FAM50B: variants seen among roughly 807,000 people sequenced by gnomAD.
The protein encoded by FAM50B is family with sequence similarity 50 member B.
A neutral mutation model predicts 25.4 loss-of-function variants in FAM50B; 9 were observed. That is an observed-to-expected ratio of 0.35 (90% CI 0.21 to 0.62). The LOEUF (loss-of-function observed/expected upper bound fraction) is 0.62. Ranked by LOEUF, FAM50B falls within the 20% of genes least tolerant of loss-of-function variation. The pLI is 0.73. For synonymous variants in FAM50B, 212 were observed against 204.3 expected, an observed-to-expected ratio of 1.04 and a Z score of -0.32; for missense variants, 372 against 477.9, an observed-to-expected ratio of 0.78 and a Z score of 2.07.
At chr6:3,835,670 T>A in the FAM50B span, among the ~76,000 whole-genome samples, 4 of 152,238 alleles carry the variant, frequency 2.6e-5, no homozygotes, top group Non-Finnish European at 5.9e-5. Flanking sequence ...GAGAAAGTTC[T>A]CTTGGTTGAA....
chr6:3,849,141 G>C (rs994054612), upstream of FAM50B, among the ~76,000 whole-genome samples: 1 of 152,160 alleles, frequency 6.6e-6, no homozygotes, highest in Non-Finnish European at 1.5e-5. Context: ...GTGAAAACAG[G>C]AGCCCCGGCC....
the FAM50B span, among the ~76,000 whole-genome samples, chr6:3,841,965 A>C: frequency 2.0e-5 from 3 of 152,220 alleles, no homozygotes; most frequent in Non-Finnish European, 4.4e-5. Context: ...AGCAGTGTGC[A>C]CTGTGGCCAT....
rs368213339 is a variant in FAM50B at position 3,851,116 on chromosome 6, C to T, written c.*327C>T. On this transcript the variant is annotated 3_prime_UTR_variant, in exon 2 of 2. Transcript: ENST00000648326. ...GTGGTTATGAGCATGGACTTGGGGG[C>T]CACAGTGACTGAGTTTGATTCCCGA... is the stretch of plus-strand genomic sequence containing the variant. 1.9e-5 allele frequency: 6 copies of T among 312,044 alleles called. No homozygotes were observed. Among genetic ancestry groups the T allele is most frequent in the African/African-American group, 1.3e-4 (6 of 45,998 alleles). 19.3% of individuals were successfully genotyped at this position (312,044 alleles called of 1,614,324 possible). A position where few individuals can be genotyped will look rare whatever the true frequency, so the allele number is the denominator to read the frequency against.
Position 3,850,241 on chromosome 6 carries a change from A to G in FAM50B, c.430A>G (p.Lys144Glu). The G allele has an allele frequency of 1.2e-6, 2 of 1,613,248 alleles. No homozygotes were observed. Among genetic ancestry groups the G allele is most frequent in the South Asian group, 1.1e-5 (1 of 91,062 alleles). The change falls in exon 2 of 2, where the codon AAG (lysine) becomes GAG (glutamate). Residue 144 changes from lysine (K) to glutamate (E), a missense_variant. By Grantham distance (56) the Lys-to-Glu change is moderately conservative (BLOSUM62 1). Around this residue, in one of 4 missense-constraint regions of FAM50B, gnomAD observed 224 missense variants for 232.2 expected, o/e 0.96. Coordinates refer to ENST00000648326, the MANE Select transcript of FAM50B (RefSeq NM_012135.3). The stretch of plus-strand genomic sequence containing the variant: ...GGCCAGGCGCGCCGGAAACCTGGGC[A>G]AGAACCCCGACGTGGACACCAGCTT... Reference protein sequence around the residue: ...AEARRAGNLGKNPDVDTSFLP... With the variant: ...AEARRAGNLGENPDVDTSFLP...
rs1762198462 is a variant in FAM50B at position 3,850,406 on chromosome 6, C to T, written c.595C>T (p.Arg199Cys). ...FSYWDGSGHRRTVRVRKGNTV... is the reference protein window; with the variant it reads ...FSYWDGSGHRCTVRVRKGNTV... ...CTACTGGGACGGCTCGGGCCACCGG[C>T]GCACGGTGCGGGTGCGCAAGGGCAA... Residue 199 changes from arginine to cysteine, a missense_variant, in exon 2 of 2, where the codon CGC (arginine) becomes TGC (cysteine). Physicochemically the swap from Arg to Cys is radical, Grantham distance 180 (BLOSUM62 -3). Coordinates refer to ENST00000648326, the MANE Select transcript of FAM50B (RefSeq NM_012135.3). 1.9e-6 allele frequency: 3 copies of T among 1,613,346 alleles called. No homozygotes were observed. Among genetic ancestry groups the T allele is most frequent in the Admixed American group, 1.7e-5 (1 of 60,018 alleles).
upstream of FAM50B, among the ~76,000 whole-genome samples, chr6:3,847,385 T>C (rs528650768): frequency 3.0e-4 from 46 of 152,394 alleles, no homozygotes; most frequent in Non-Finnish European, 5.1e-4. Flanking sequence ...CACTTGCTGC[T>C]TCACCTTGCA....
At chr6:3,846,515 G>T (rs987666287), upstream of FAM50B, among the ~76,000 whole-genome samples, 1 of 152,216 alleles carries the variant, frequency 6.6e-6, no homozygotes, top group Non-Finnish European at 1.5e-5. Context: ...ACTGATCAGG[G>T]TGGTGGTTGC....
chr6:3,848,657 G>A (rs1762152581), upstream of FAM50B, among the ~76,000 whole-genome samples: 1 of 152,174 alleles, frequency 6.6e-6, no homozygotes, highest in South Asian at 2.1e-4. Flanking sequence ...CTCCTGCAGG[G>A]GAGAAACGGT....
the FAM50B span, chr6:3,833,772 C>G: frequency 6.6e-6 from 1 of 152,206 alleles, no homozygotes; most frequent in South Asian, 2.1e-4. Flanking sequence ...GCCAGCCTAA[C>G]GATGAAGCAG....
At chr6:3,842,269 G>T in the FAM50B span, among the ~76,000 whole-genome samples, 1 of 152,184 alleles carries the variant, frequency 6.6e-6, no homozygotes, top group Non-Finnish European at 1.5e-5. Context: ...TTGCCTCCAT[G>T]GGCTGCAGCT....
the FAM50B span, among the ~76,000 whole-genome samples, chr6:3,840,600 C>G: frequency 6.6e-6 from 1 of 152,228 alleles, no homozygotes; most frequent in African/African-American, 2.4e-5. Flanking sequence ...GAGCACCACT[C>G]AAAGGCCGGA....
rs780894143 is a variant in FAM50B at position 3,850,357 on chromosome 6, C to T, written c.546C>T (p.Asp182=). 53 of 1,613,236 alleles carry T rather than the reference C, an allele frequency of 3.3e-5. No homozygotes were observed. The highest frequency in any genetic ancestry group is 4.3e-5 in the Non-Finnish European group (51 of 1,179,900). Residue 182 remains aspartate (D), a synonymous_variant, in exon 2 of 2, where the codon GAC becomes GAT. Transcript: ENST00000648326. ...AGGCGCAGCGCGAGAAAGTGAAGGA[C>T]GAGGAGATGGAGGTCACCTTCAGCT... ...EWEAQREKVK[D]EEMEVTFSYW... is the part of the protein sequence containing the mutation.
upstream of FAM50B, among the ~76,000 whole-genome samples, chr6:3,848,778 ATTAGAGC>A (rs1041922072): frequency 3.9e-5 from 6 of 152,220 alleles, no homozygotes; most frequent in Non-Finnish European, 7.3e-5. Flanking sequence ...TCCCATGGTT[ATTAGAGC>A]TTAGAACCCG....
the FAM50B span, among the ~76,000 whole-genome samples, chr6:3,841,442 G>A: frequency 6.6e-6 from 1 of 152,294 alleles, no homozygotes; most frequent in African/African-American, 2.4e-5. Flanking sequence ...CACAGTCACA[G>A]GGGAGACCAT....
upstream of FAM50B, among the ~76,000 whole-genome samples, chr6:3,844,709 G>A (rs777682868): frequency 1.3e-5 from 2 of 151,940 alleles, no homozygotes; most frequent in Admixed American, 6.6e-5. Flanking sequence ...GCCAGACTCC[G>A]TCTCAAAAAC....
rs751666178 is a variant in FAM50B at position 3,850,183 on chromosome 6, AGAC to A, written c.376_378del (p.Asp126del). ...AGATCTCCTGCCTGTCCTTTGCACT[AGAC>A]GACCTCGATGACCAGGCCGACGCGG... On this transcript the variant is annotated inframe_deletion, in exon 2 of 2. Transcript: ENST00000648326. 1 of 1,613,412 alleles carries A rather than the reference AGAC, an allele frequency of 6.2e-7. No homozygotes were observed. Among genetic ancestry groups the A allele is most frequent in the Non-Finnish European group, 8.5e-7 (1 of 1,179,864 alleles).
At chr6:3,841,350 G>A in the FAM50B span, among the ~76,000 whole-genome samples, 1 of 152,156 alleles carries the variant, frequency 6.6e-6, no homozygotes, top group Admixed American at 6.5e-5. Flanking sequence ...AAGTGGTCTG[G>A]TTTTCCATGA....
Position 3,850,872 on chromosome 6 carries a change from C to A in FAM50B, c.*83C>A. The stretch of plus-strand genomic sequence containing the variant: ...ATCACCAGTCACTTGATTTCGTGAC[C>A]TTGATTTCTTCCCCCAAATTTAATA... On this transcript the variant is annotated 3_prime_UTR_variant, in exon 2 of 2. Transcript: ENST00000648326. The A allele has an allele frequency of 6.5e-7, 1 of 1,530,338 alleles. No individual in the cohort carries two copies. The highest frequency in any genetic ancestry group is 8.8e-7 in the Non-Finnish European group (1 of 1,138,118). The allele number at this position is 1,530,338 out of a possible 1,614,324, so 94.8% of individuals were successfully genotyped here.
chr6:3,839,632 A>G, the FAM50B span, among the ~76,000 whole-genome samples: 9 of 152,210 alleles, frequency 5.9e-5, no homozygotes, highest in Admixed American at 5.9e-4. Flanking sequence ...TATTTTTGCT[A>G]TATTTCAATT....
Sources: gnomAD v4.1 joint callset for allele counts (sites outside exome capture counted in the v4.1 genomes callset) on GRCh38, gnomAD v4.1.1 for gene constraint, gnomAD v4.1.1 regional missense constraint, MANE v1.5 for transcripts, NCBI Gene and HGNC (gene_info 2026-07-23, HGNC 2026-07-21) for gene names.